Variants in BTAF1 observed in about 807,000 individuals in gnomAD.
BTAF1 encodes TATA-binding protein-associated factor 172.
Under a neutral mutation model 227.1 loss-of-function variants are expected in BTAF1, and 38 were observed. That is an observed-to-expected ratio of 0.17 (90% confidence interval 0.13 to 0.22). BTAF1 has a LOEUF of 0.22. Among genes scored for constraint, BTAF1 ranks in the 10% least tolerant of loss-of-function variants. The pLI is 1.00. For missense variants in BTAF1, 1,598 were observed against 2,204.0 expected (o/e 0.73, Z 5.51); for synonymous variants, 742 against 751.9 (o/e 0.99, Z 0.21).
intron 1 of BTAF1, among the ~76,000 whole-genome samples, chr10:91,924,418 A>G (rs952577309): frequency 2.0e-5 from 3 of 152,056 alleles, no homozygotes; most frequent in Non-Finnish European, 4.4e-5. Flanking sequence ...TCAGTATTCT[A>G]AGGCTGGTCC....
chr10:91,956,708 G>T (rs1203931164), intron 7 of BTAF1, 51 bp downstream of exon 7: 1 of 1,568,052 alleles, frequency 6.4e-7, no homozygotes. Flanking sequence ...ATAATCTTTG[G>T]GCCAGCAGCG....
chr10:92,019,345 C>A (rs143657743), intron 34 of BTAF1, among the ~76,000 whole-genome samples: 63 of 152,264 alleles, frequency 4.1e-4, no homozygotes, highest in African/African-American at 1.4e-3. Flanking sequence ...AAATATTTGT[C>A]ATTTGTGGCT....
At chr10:91,974,304 A>C (rs1367975269) in intron 14 of BTAF1, among the ~76,000 whole-genome samples, 1 of 152,208 alleles carries the variant, frequency 6.6e-6, no homozygotes, top group Non-Finnish European at 1.5e-5. Flanking sequence ...TAGATTTTAT[A>C]AGGGAGATGT....
At chr10:91,924,270 G>A (rs1843678672) in intron 1 of BTAF1, among the ~76,000 whole-genome samples, 180 bp downstream of exon 1, 1 of 152,240 alleles carries the variant, frequency 6.6e-6, no homozygotes, top group Non-Finnish European at 1.5e-5. Context: ...TTACTCCTGG[G>A]TAAATCGGTT....
At position 92,011,134 on chromosome 10, in the gene BTAF1, G is replaced by A; in HGVS notation, c.4165G>A (p.Asp1389Asn). ...IVASYDVVRNDIDFFRNIKFN... is the reference protein window; with the variant it reads ...IVASYDVVRNNIDFFRNIKFN... ...GGCTTCATATGATGTTGTGAGGAAT[G>A]ACATAGATTTCTTTAGGTAAGAATT... The change falls in exon 29 of 38, where the codon GAC (aspartate) becomes AAC (asparagine). Residue 1389 changes from aspartate (D) to asparagine (N), a missense_variant. Physicochemically the swap from Asp to Asn is conservative, Grantham distance 23. Coordinates refer to ENST00000265990, the MANE Select transcript of BTAF1 (RefSeq NM_003972.3). The A allele has an allele frequency of 1.3e-6, 2 of 1,598,384 alleles. No homozygotes were observed. Among genetic ancestry groups the A allele is most frequent in the Non-Finnish European group, 1.7e-6 (2 of 1,174,120 alleles).
At chr10:92,028,229 T>C (rs973407163) in intron 37 of BTAF1, among the ~76,000 whole-genome samples, 2 of 152,180 alleles carry the variant, frequency 1.3e-5, no homozygotes, top group African/African-American at 4.8e-5. Flanking sequence ...TGGGTGACTT[T>C]CAGTGACCAG....
intron 1 of BTAF1, among the ~76,000 whole-genome samples, chr10:91,927,630 A>C (rs1269467772): frequency 1.3e-5 from 2 of 152,220 alleles, no homozygotes; most frequent in Non-Finnish European, 2.9e-5. Context: ...TTAAAAAAAA[A>C]ATGAATGAAT....
intron 32 of BTAF1, 26 bp downstream of exon 32, chr10:92,014,055 T>C (rs1239813387): frequency 1.3e-6 from 2 of 1,598,110 alleles, no homozygotes; most frequent in Admixed American, 3.5e-5. Context: ...TTTATCATTG[T>C]TAGTGGTATG....
intron 4 of BTAF1, among the ~76,000 whole-genome samples, chr10:91,950,832 ATTTT>A (rs375509577): frequency 3.0e-5 from 4 of 132,592 alleles, no homozygotes; most frequent in Non-Finnish European, 3.2e-5. Flanking sequence ...ATAGAGATGT[ATTTT>A]TTTTTTTTTT....
At chr10:91,984,716 T>G (rs7901434) in intron 19 of BTAF1, among the ~76,000 whole-genome samples, 20,994 of 152,178 alleles carry the variant, frequency 0.14, 1,720 homozygotes, top group East Asian at 0.22. Flanking sequence ...TTCTACAAGT[T>G]CCTGAGTACT....
At chr10:91,927,195 A>C (rs79937336) in intron 1 of BTAF1, among the ~76,000 whole-genome samples, 1 of 150,650 alleles carries the variant, frequency 6.6e-6, no homozygotes, top group African/African-American at 2.5e-5. Flanking sequence ...CTGGAGTGCA[A>C]TGGTGCGTTC....
chr10:91,988,105 CTCT>C (rs1354734787), intron 19 of BTAF1, among the ~76,000 whole-genome samples: 2 of 152,228 alleles, frequency 1.3e-5, no homozygotes, highest in Non-Finnish European at 2.9e-5. Flanking sequence ...TCCCACTAAT[CTCT>C]TCTTCTAAGA....
intron 4 of BTAF1, among the ~76,000 whole-genome samples, chr10:91,950,593 G>A (rs1275917828): frequency 6.6e-6 from 1 of 151,988 alleles, no homozygotes; most frequent in Non-Finnish European, 1.5e-5. Flanking sequence ...TTGCACCGAA[G>A]GATTGAGGGT....
chr10:92,006,937 C>G (rs1374901847), intron 25 of BTAF1, among the ~76,000 whole-genome samples: 1 of 152,060 alleles, frequency 6.6e-6, no homozygotes, highest in East Asian at 1.9e-4. Context: ...TATGAAACAT[C>G]AACCACAAAC....
At chr10:91,938,181 T>C (rs939332441) in intron 2 of BTAF1, among the ~76,000 whole-genome samples, 1 of 152,248 alleles carries the variant, frequency 6.6e-6, no homozygotes, top group Non-Finnish European at 1.5e-5. Flanking sequence ...GTTCTTCATA[T>C]GGTATAGTTC....
rs1849061752 is a variant in BTAF1 at position 91,995,355 on chromosome 10, G to C, written c.3309+711G>C. On this transcript the variant is annotated intron_variant, in intron 23 of 37. Coordinates refer to ENST00000265990, the MANE Select transcript of BTAF1 (RefSeq NM_003972.3). ...AGTAATAAAGTATGTCCTTTTACTT[G>C]TTAAAAGTTTTGCTGATTTACTGTT... 2.0e-5 allele frequency among the ~76,000 whole-genome samples: 3 copies of C among 151,684 alleles called. No individual in the cohort carries two copies. In the South Asian group the frequency reaches 6.2e-4, roughly 31 times the overall value.
intron 28 of BTAF1, among the ~76,000 whole-genome samples, chr10:92,009,579 T>A (rs928690391): frequency 3.9e-5 from 6 of 152,232 alleles, no homozygotes; most frequent in African/African-American, 1.4e-4. Flanking sequence ...AATATTCCTG[T>A]AGTCCTAACT....
At chr10:92,000,567 T>G (rs1849451653) in intron 25 of BTAF1, among the ~76,000 whole-genome samples, 1 of 152,174 alleles carries the variant, frequency 6.6e-6, no homozygotes, top group Non-Finnish European at 1.5e-5. Context: ...TTTGTTTGGT[T>G]GTTTGTTTGA....
intron 35 of BTAF1, 60 bp from the exon 36 acceptor site, chr10:92,026,532 A>T (rs2134188078): frequency 2.2e-6 from 3 of 1,340,540 alleles, no homozygotes; most frequent in Non-Finnish European, 3.0e-6. Context: ...AATTTTTATT[A>T]ACAGTTTCTG....
Sources: allele counts gnomAD v4.1 joint callset (sites outside exome capture counted in the v4.1 genomes callset), GRCh38; gene constraint gnomAD v4.1.1; transcripts MANE v1.5; gene names NCBI Gene and HGNC (gene_info 2026-07-23, HGNC 2026-07-21).